The following FGF14 variants were observed in gnomAD, a reference collection of about 807,000 sequenced individuals.
FGF14 encodes the protein fibroblast growth factor 14.
A neutral mutation model predicts 25.5 loss-of-function variants in FGF14; 5 were observed. The ratio of observed to expected loss-of-function variants is 0.20; its 90% CI spans 0.10 to 0.41. The LOEUF (loss-of-function observed/expected upper bound fraction) is 0.41. Ranked by LOEUF, FGF14 falls within the 10% of genes least tolerant of loss-of-function variation. The pLI is 1.00. For synonymous variants in FGF14, 138 were observed against 118.3 expected, an observed-to-expected ratio of 1.17 and a Z score of -1.08; for missense variants, 222 against 320.1, an observed-to-expected ratio of 0.69 and a Z score of 2.34.
chr13:101,905,640 A>T (rs540775668), intron 1 of FGF14, among the ~76,000 whole-genome samples: 2 of 152,218 alleles, frequency 1.3e-5, no homozygotes, highest in South Asian at 2.1e-4. Context: ...ACCATGGCAC[A>T]TGTATACCTA....
chr13:102,273,398 C>T (rs1233689042), intron 1 of FGF14, among the ~76,000 whole-genome samples: 8 of 152,184 alleles, frequency 5.3e-5, no homozygotes, highest in Non-Finnish European at 1.2e-4. Context: ...TGAAGACTCG[C>T]CACCTGTTCA....
At chr13:102,134,446 G>A (rs1172879831) in intron 1 of FGF14, among the ~76,000 whole-genome samples, 1 of 152,182 alleles carries the variant, frequency 6.6e-6, no homozygotes, top group Non-Finnish European at 1.5e-5. Context: ...CCCCATACAG[G>A]CAAGCATGTA....
chr13:101,779,478 C>CA (rs2039353367), intron 3 of FGF14, among the ~76,000 whole-genome samples: 1 of 152,122 alleles, frequency 6.6e-6, no homozygotes, highest in South Asian at 2.1e-4. Flanking sequence ...GCGACTAAGG[C>CA]ACGTTTCCAA....
chr13:102,384,674 G>A (rs541408407), intron 1 of FGF14, among the ~76,000 whole-genome samples: 169 of 151,704 alleles, frequency 1.1e-3, no homozygotes, highest in Non-Finnish European at 2.0e-3. Flanking sequence ...ATACTAATCA[G>A]AAAAAAAACT....
rs542958274 is a variant in FGF14, at chr13:101,816,347, T to G, written c.408+52378A>C. Among the ~76,000 whole-genome samples, 16 of 151,780 alleles carry G rather than the reference T, an allele frequency of 1.1e-4. No individual in the cohort carries two copies. In the South Asian group the frequency reaches 3.1e-3, roughly 30 times the overall value. On this transcript the variant is annotated intron_variant, in intron 3 of 4. Transcript: ENST00000376143. ...TTAAATGTATTATTTAATGTTTATC[T>G]CTCTGACTTTTGGAACTTCTTGCTC... is the stretch of plus-strand genomic sequence containing the variant.
intron 1 of FGF14, among the ~76,000 whole-genome samples, chr13:102,268,386 T>C (rs937640828): frequency 4.6e-5 from 7 of 152,164 alleles, no homozygotes; most frequent in African/African-American, 1.7e-4. Context: ...TGCATGATAA[T>C]TTTGGTGAAA....
chr13:102,366,696 G>A (rs1242866206), intron 1 of FGF14: 3 of 142,244 alleles, frequency 2.1e-5, no homozygotes, highest in African/African-American at 7.7e-5. Flanking sequence ...TAATAAAAAT[G>A]TACTTGGCTT....
In FGF14 at chr13:102,095,415, A is replaced by G. The variant is rs534744627; in HGVS notation, c.209-220119T>C. Among the ~76,000 whole-genome samples, 73 of 152,322 alleles carry G rather than the reference A, an allele frequency of 4.8e-4. 1 individual carries two copies. The highest frequency in any genetic ancestry group is 1.7e-3 in the African/African-American group (71 of 41,588). On this transcript the variant is annotated intron_variant, in intron 1 of 4. Transcript: ENST00000376131. ...CTTCTTTTACGACATAGGCCCCTCT[A>G]TGAGACAGGAGGCCCATGAAAACAA...
chr13:102,227,417 TTTTTAATA>T (rs1356478401), intron 1 of FGF14, among the ~76,000 whole-genome samples: 1 of 152,158 alleles, frequency 6.6e-6, no homozygotes, highest in Non-Finnish European at 1.5e-5. Context: ...TTTATTCTAT[TTTTTAATA>T]CTGGGTCTTC....
At chr13:102,206,580 T>C (rs2049936753) in intron 1 of FGF14, among the ~76,000 whole-genome samples, 1 of 151,768 alleles carries the variant, frequency 6.6e-6, no homozygotes, top group Non-Finnish European at 1.5e-5. Flanking sequence ...ACTCAGTAAG[T>C]TGAGGTGGGA....
chr13:102,305,603 TAC>T (rs1182755037), intron 1 of FGF14, among the ~76,000 whole-genome samples: 3 of 152,148 alleles, frequency 2.0e-5, no homozygotes, highest in African/African-American at 7.2e-5. Context: ...CTTATATAAA[TAC>T]AAGTTTGCTA....
intron 1 of FGF14, among the ~76,000 whole-genome samples, chr13:102,200,597 G>A (rs1287639192): frequency 6.8e-6 from 1 of 146,552 alleles, no homozygotes; most frequent in East Asian, 2.0e-4. Flanking sequence ...GGAAATGCAG[G>A]TCTTCTCATT....
chr13:101,884,566 C>T (rs1454479805), intron 1 of FGF14, among the ~76,000 whole-genome samples: 2 of 152,014 alleles, frequency 1.3e-5, no homozygotes, highest in Non-Finnish European at 2.9e-5. Flanking sequence ...TCAATAAATA[C>T]ATCATTAATA....
At chr13:102,205,401 A>C (rs1486585869) in intron 1 of FGF14, among the ~76,000 whole-genome samples, 1 of 152,224 alleles carries the variant, frequency 6.6e-6, no homozygotes, top group Non-Finnish European at 1.5e-5. Flanking sequence ...TATAGTCAAT[A>C]TATAATAATT....
intron 1 of FGF14, among the ~76,000 whole-genome samples, chr13:102,001,433 C>T (rs2039489546): frequency 6.6e-6 from 1 of 152,110 alleles, no homozygotes; most frequent in African/African-American, 2.4e-5. Context: ...TGTACTTTCA[C>T]ACCTGGGTGC....
At chr13:102,015,925 C>A (rs1170905363) in intron 1 of FGF14, among the ~76,000 whole-genome samples, 2 of 151,914 alleles carry the variant, frequency 1.3e-5, no homozygotes, top group Non-Finnish European at 2.9e-5. Context: ...TTGCAAAAAC[C>A]AATAGAAATA....
intron 1 of FGF14, among the ~76,000 whole-genome samples, chr13:101,940,008 T>C (rs967253495): frequency 6.6e-6 from 1 of 152,180 alleles, no homozygotes; most frequent in Admixed American, 6.6e-5. Context: ...GAGCTCTGGG[T>C]GGGATGCAGA....
At chr13:102,255,688 G>A (rs1267791766) in intron 1 of FGF14, among the ~76,000 whole-genome samples, 2 of 152,146 alleles carry the variant, frequency 1.3e-5, no homozygotes, top group Admixed American at 6.5e-5. Context: ...CTTCTGGGGG[G>A]CAAGTAGATG....
At position 102,142,048 on chromosome 13, in the gene FGF14, A is replaced by AT. The variant is rs113503851; in HGVS notation, c.208+259422dup. 7.9e-5 allele frequency among the ~76,000 whole-genome samples: 12 copies of AT among 152,312 alleles called. 1 individual carries two copies. The highest frequency in any genetic ancestry group is 2.4e-4 in the African/African-American group (10 of 41,576). On this transcript the variant is annotated intron_variant, in intron 1 of 4. Coordinates refer to the FGF14 transcript ENST00000376131. Reference sequence around the variant, plus strand: ...ATAAGAAATATCAATGGTTCATAAGATTTTAGACACAAATAATAAAAATTA... The same window carrying AT: ...ATAAGAAATATCAATGGTTCATAAGATTTTTAGACACAAATAATAAAAATTA...
Sources: allele counts gnomAD v4.1 joint callset (sites outside exome capture counted in the v4.1 genomes callset), GRCh38; gene constraint gnomAD v4.1.1; transcripts MANE v1.5; gene names NCBI Gene and HGNC (gene_info 2026-07-23, HGNC 2026-07-21).